Variants in ASAP2 observed in about 807,000 individuals in gnomAD.
ASAP2 encodes arf-GAP with SH3 domain, ANK repeat and PH domain-containing protein 2.
ASAP2 carries 45 observed loss-of-function variants against 131.4 expected under a neutral mutation model. That is an observed-to-expected ratio of 0.34 (90% CI 0.27 to 0.44). The LOEUF (loss-of-function observed/expected upper bound fraction) is 0.44, where lower values mean the gene tolerates loss of function less well. ASAP2 is among the 20% of genes least tolerant of loss of function. The probability of loss-of-function intolerance (pLI) is 1.00; values close to 1 mark genes in which losing one functional copy is unlikely to be tolerated. For missense variants in ASAP2, 1,011 were observed against 1,297.0 expected (o/e 0.78, Z 3.39); for synonymous variants, 510 against 503.0 (o/e 1.01, Z -0.19).
chr2:9,384,152 T>TA (rs1372334880), intron 20 of ASAP2, among the ~76,000 whole-genome samples: 3 of 152,076 alleles, frequency 2.0e-5, no homozygotes, highest in Non-Finnish European at 4.4e-5. Flanking sequence ...CCCTAGAACT[T>TA]AAAGTATAAT....
At chr2:9,213,929 A>G (rs1661791679) in intron 1 of ASAP2, among the ~76,000 whole-genome samples, 1 of 152,208 alleles carries the variant, frequency 6.6e-6, no homozygotes, top group Non-Finnish European at 1.5e-5. Context: ...GAAAGATTGA[A>G]GCATAGCTGC....
intron 16 of ASAP2, among the ~76,000 whole-genome samples, chr2:9,370,040 A>G (rs971938153): frequency 3.9e-5 from 6 of 152,092 alleles, no homozygotes; most frequent in Admixed American, 2.6e-4. Flanking sequence ...GGGTTTCACC[A>G]TGTTGGTCAG....
chr2:9,277,440 A>G (rs975275663), intron 1 of ASAP2, among the ~76,000 whole-genome samples: 1 of 152,262 alleles, frequency 6.6e-6, no homozygotes, highest in Non-Finnish European at 1.5e-5. Flanking sequence ...GGAATGGATC[A>G]GAGATAACCA....
At chr2:9,348,935 G>A (rs1672155569) in intron 11 of ASAP2, among the ~76,000 whole-genome samples, 1 of 152,120 alleles carries the variant, frequency 6.6e-6, no homozygotes, top group Non-Finnish European at 1.5e-5. Context: ...AGGGAGGGTG[G>A]CAGTTGAGCC....
intron 3 of ASAP2, among the ~76,000 whole-genome samples, chr2:9,304,784 G>C (rs1377998634): frequency 2.7e-5 from 4 of 150,562 alleles, no homozygotes; most frequent in South Asian, 2.1e-4. Context: ...TATTGGTGGA[G>C]GGGCTGGAGT....
chr2:9,310,946 C>G lies in ASAP2; in HGVS notation c.346-7578C>G, dbSNP rs530662551. 2.4e-4 allele frequency among the ~76,000 whole-genome samples: 37 copies of G among 152,252 alleles called. 1 individual carries two copies. Among genetic ancestry groups the G allele is most frequent in the Admixed American group, 3.9e-4 (6 of 15,296 alleles). The stretch of plus-strand genomic sequence containing the variant: ...TCTTTATATCTAATAGCTCTATGTG[C>G]TGCCTGCCCCACTGACTGAATCATT... On this transcript the variant is annotated intron_variant, in intron 3 of 27. Coordinates refer to ENST00000281419, the MANE Select transcript of ASAP2 (RefSeq NM_003887.3).
At chr2:9,254,821 C>T (rs1161775264) in intron 1 of ASAP2, among the ~76,000 whole-genome samples, 1 of 152,086 alleles carries the variant, frequency 6.6e-6, no homozygotes, top group African/African-American at 2.4e-5. Flanking sequence ...TATCAGTTCA[C>T]CAAGTGATGG....
chr2:9,327,092 A>G (rs78846345), intron 6 of ASAP2, among the ~76,000 whole-genome samples: 2,042 of 152,172 alleles, frequency 0.013, 34 homozygotes, highest in African/African-American at 0.046. Context: ...TGGGCTGCAG[A>G]GAGACCTCAG....
intron 3 of ASAP2, among the ~76,000 whole-genome samples, chr2:9,300,006 G>A (rs144473121): frequency 2.8e-4 from 42 of 152,250 alleles, no homozygotes; most frequent in African/African-American, 5.1e-4. Context: ...CAAGGTGGGC[G>A]GGTTGCTTTG....
At chr2:9,361,980 T>C (rs928454911) in intron 15 of ASAP2, among the ~76,000 whole-genome samples, 2 of 138,184 alleles carry the variant, frequency 1.4e-5, no homozygotes, top group South Asian at 2.4e-4. Flanking sequence ...TCTGCGTGTG[T>C]GTGTGTGTGT....
At chr2:9,399,878 TA>T in intron 24 of ASAP2, 144 bp from the exon 25 acceptor site, 3 of 766,888 alleles carry the variant, frequency 3.9e-6, no homozygotes, top group Non-Finnish European at 6.4e-6. Context: ...CCTTTTCCCA[TA>T]AAAAAGAGAC....
Position 9,277,377 on chromosome 2 carries a change from G to T in ASAP2, c.127-1940G>T, listed in dbSNP as rs146500277. Among the ~76,000 whole-genome samples, 811 of 152,316 alleles carry T rather than the reference G, an allele frequency of 5.3e-3. 2 individuals are homozygous for T. Among genetic ancestry groups the T allele is most frequent in the Non-Finnish European group, 7.8e-3 (529 of 68,030 alleles). On this transcript the variant is annotated intron_variant, in intron 1 of 27. Coordinates refer to ENST00000281419, the MANE Select transcript of ASAP2 (RefSeq NM_003887.3). ...AGAGAAAGATAATTTAATTATGATT[G>T]TCCTGAGTTATTTACTGTTTCCAAG...
chr2:9,334,665 GTTT>G (rs1237636040), intron 7 of ASAP2, 70 bp from the exon 8 acceptor site: 12 of 1,427,150 alleles, frequency 8.4e-6, no homozygotes. Context: ...CTTTAAAGAA[GTTT>G]TTAATCTGTC....
Position 9,350,870 on chromosome 2 carries a change from G to A in ASAP2, c.1086G>A (p.Glu362=), listed in dbSNP as rs1209965738. 6 of 1,613,012 alleles carry A rather than the reference G, an allele frequency of 3.7e-6. No individual in the cohort carries two copies. The highest frequency in any genetic ancestry group is 5.1e-6 in the Non-Finnish European group (6 of 1,179,260). ...LTCQVKTNPE[E]KKCFDLISHD... ...GCCAGGTGAAGACCAACCCTGAGGA[G>A]AAGAAGTGCTTTGACCTCATTTCAC... The change falls in exon 12 of 28, where the codon GAG becomes GAA. Residue 362 remains glutamate, a synonymous_variant. Coordinates refer to ENST00000281419, the MANE Select transcript of ASAP2 (RefSeq NM_003887.3).
rs1424344805 is a variant in ASAP2, at chr2:9,389,685, C to T, written c.2383+1139C>T. Among the ~76,000 whole-genome samples, 1 of 152,176 alleles carries T rather than the reference C, an allele frequency of 6.6e-6. No homozygotes were observed. The highest frequency in any genetic ancestry group is 1.5e-5 in the Non-Finnish European group (1 of 68,032). On this transcript the variant is annotated intron_variant, in intron 22 of 27. Transcript: ENST00000281419. The surrounding 1 kb of genome is among the most constrained non-coding windows in gnomAD (Gnocchi z 4.7). ...CTGTCATGTGAGTCACTGAGTCATA[C>T]CCCGAAGAACAAACCTGCTGAGAGC...
At chr2:9,225,016 G>T (rs1662665205) in intron 1 of ASAP2, among the ~76,000 whole-genome samples, 1 of 152,214 alleles carries the variant, frequency 6.6e-6, no homozygotes. Flanking sequence ...TTGCAGATGG[G>T]GTTCAGGGTA....
At chr2:9,252,042 T>TGTTA (rs2148138838) in intron 1 of ASAP2, among the ~76,000 whole-genome samples, 1 of 151,768 alleles carries the variant, frequency 6.6e-6, no homozygotes, top group East Asian at 1.9e-4. Context: ...GGTGTTAGAG[T>TGTTA]GTTAGCCTGT....
At chr2:9,390,015 T>G (rs781756922) in intron 22 of ASAP2, among the ~76,000 whole-genome samples, 3 of 152,220 alleles carry the variant, frequency 2.0e-5, no homozygotes, top group Non-Finnish European at 4.4e-5. Context: ...GCTGACTGTG[T>G]GTGTCACGGG....
intron 1 of ASAP2, among the ~76,000 whole-genome samples, chr2:9,237,161 T>C (rs1211051401): frequency 6.6e-6 from 1 of 151,846 alleles, no homozygotes; most frequent in Non-Finnish European, 1.5e-5. Context: ...TGGAAGCTTT[T>C]TTAAAAAAAG....
Sources: gnomAD v4.1 joint callset for allele counts (sites outside exome capture counted in the v4.1 genomes callset) on GRCh38, gnomAD v4.1.1 for gene constraint, Gnocchi (gnomAD v3.1) non-coding constraint, MANE v1.5 for transcripts, NCBI Gene and HGNC (gene_info 2026-07-23, HGNC 2026-07-21) for gene names.